The following NEBL variants were observed in gnomAD, a reference collection of about 807,000 sequenced individuals.
NEBL encodes LIM and SH3 protein 2.
In NEBL, 122 loss-of-function variants were observed where a neutral mutation model predicts 140.2. That is an observed-to-expected ratio of 0.87 (90% CI 0.75 to 1.01). The LOEUF (loss-of-function observed/expected upper bound fraction) is 1.01. Ranked by LOEUF, NEBL falls within the 50% of genes least tolerant of loss-of-function variation. The pLI is 0.00. For synonymous variants in NEBL, 436 were observed against 398.9 expected (o/e 1.09, Z -1.11); for missense variants, 1,365 against 1,231.3 (o/e 1.11, Z -1.62).
At position 20,942,037 on chromosome 10, in the gene NEBL, C is replaced by T. The variant is rs539044697; in HGVS notation, c.357+19635G>A. 3.8e-3 allele frequency among the ~76,000 whole-genome samples: 577 copies of T among 152,270 alleles called. 2 individuals carry two copies. The highest frequency in any genetic ancestry group is 6.2e-3 in the Non-Finnish European group (419 of 68,022). Reference sequence around the variant, plus strand: ...CCCAAGGTAATTTGTAGATTCAATGCCATCCCCATCAAGCTACCAATGACT... The same window carrying T: ...CCCAAGGTAATTTGTAGATTCAATGTCATCCCCATCAAGCTACCAATGACT... On this transcript the variant is annotated intron_variant, in intron 4 of 6. Coordinates refer to the NEBL transcript ENST00000417816.
chr10:20,798,074 C>G (rs1024979385), intron 26 of NEBL, among the ~76,000 whole-genome samples: 2 of 150,900 alleles, frequency 1.3e-5, no homozygotes, highest in Non-Finnish European at 2.9e-5. Context: ...TGCACTCCAG[C>G]CCCTAGATGA....
At chr10:21,122,360 CA>C (rs1435650376) in intron 2 of NEBL, among the ~76,000 whole-genome samples, 2 of 152,030 alleles carry the variant, frequency 1.3e-5, no homozygotes, top group African/African-American at 4.8e-5. Flanking sequence ...TGCCCTGAAA[CA>C]GATCTATCTC....
At chr10:20,915,248 AT>A (rs1239966746) in intron 4 of NEBL, among the ~76,000 whole-genome samples, 2 of 152,014 alleles carry the variant, frequency 1.3e-5, no homozygotes, top group South Asian at 2.1e-4. Context: ...AGGCTTTGAA[AT>A]TTTTTTTATA....
chr10:21,156,656 A>G (rs1182925609), intron 2 of NEBL, among the ~76,000 whole-genome samples: 2 of 152,040 alleles, frequency 1.3e-5, no homozygotes, highest in African/African-American at 2.4e-5. Flanking sequence ...ACAAAAGTCT[A>G]TTTCACTCAC....
intron 4 of NEBL, among the ~76,000 whole-genome samples, chr10:20,908,452 T>C (rs537426764): frequency 6.6e-6 from 1 of 152,210 alleles, no homozygotes; most frequent in Admixed American, 6.5e-5. Context: ...CAAGCCCCCA[T>C]GGGCGTTAGA....
At chr10:20,844,692 A>G (rs1312301229) in intron 12 of NEBL, among the ~76,000 whole-genome samples, 2 of 151,944 alleles carry the variant, frequency 1.3e-5, no homozygotes, top group Admixed American at 1.3e-4. Flanking sequence ...TCTATATGTT[A>G]AATATATTAT....
upstream of NEBL, chr10:20,897,651 A>C: frequency 1.6e-6 from 1 of 632,952 alleles, no homozygotes; most frequent in Non-Finnish European, 2.0e-6. Flanking sequence ...GTCTCTGTCT[A>C]AATAAAGCTT....
chr10:21,063,025 T>C (rs1261559861), intron 2 of NEBL, among the ~76,000 whole-genome samples: 1 of 151,750 alleles, frequency 6.6e-6, no homozygotes, highest in Non-Finnish European at 1.5e-5. Context: ...GATGAGGCAA[T>C]AGAAATAAAG....
chr10:21,130,939 T>A (rs1839074928), intron 2 of NEBL, among the ~76,000 whole-genome samples: 1 of 151,162 alleles, frequency 6.6e-6, no homozygotes. Flanking sequence ...CAGAAAAAAA[T>A]GTCAATGAAA....
intron 2 of NEBL, among the ~76,000 whole-genome samples, chr10:21,036,604 T>C (rs1834026020): frequency 6.6e-6 from 1 of 152,082 alleles, no homozygotes; most frequent in South Asian, 2.1e-4. Flanking sequence ...TCTGGAAATG[T>C]CACCAGGCCC....
Position 20,785,895 on chromosome 10 carries a change from C to A in NEBL, c.2897G>T (p.Ser966Ile), listed in dbSNP as rs760526573. The change falls in exon 28 of 28, where the codon AGT becomes ATT. Residue 966 changes from serine to isoleucine, a missense_variant. By Grantham distance (142) the Ser-to-Ile change is moderately radical. Transcript: ENST00000377122. ...GGAGACCTCGTCTTCATCCTGGGCACTGTAATCGTACATGGCTCGGTAGGT... is the reference window on the plus strand; with the variant it reads ...GGAGACCTCGTCTTCATCCTGGGCAATGTAATCGTACATGGCTCGGTAGGT... The part of the protein sequence containing the change: ...LRTYRAMYDY[S>I]AQDEDEVSFR... The A allele has an allele frequency of 8.7e-6, 14 of 1,613,908 alleles. No individual in the cohort carries two copies. The highest frequency in any genetic ancestry group is 1.7e-6 in the Non-Finnish European group (2 of 1,179,948).
intron 4 of NEBL, among the ~76,000 whole-genome samples, chr10:20,902,619 C>T (rs994038541): frequency 2.0e-5 from 3 of 151,990 alleles, no homozygotes; most frequent in African/African-American, 7.3e-5. Context: ...ATAGAGGGGG[C>T]AGGAAAGTAT....
intron 3 of NEBL, among the ~76,000 whole-genome samples, chr10:21,203,247 C>T (rs1440464290): frequency 6.6e-6 from 1 of 152,162 alleles, no homozygotes; most frequent in South Asian, 2.1e-4. Flanking sequence ...TCATCTCTCT[C>T]TCTCCCAAGA....
chr10:21,081,332 G>A (rs1475837504), intron 2 of NEBL, among the ~76,000 whole-genome samples: 3 of 152,180 alleles, frequency 2.0e-5, no homozygotes, highest in Admixed American at 6.5e-5. Context: ...AGGCTTTCAT[G>A]GGAAGCAGGG....
chr10:20,868,310 CTGTGTGTG>C (rs3085048), intron 7 of NEBL: 172 of 155,896 alleles, frequency 1.1e-3, no homozygotes, highest in African/African-American at 3.4e-3. Flanking sequence ...AAGTTAAAAA[CTGTGTGTG>C]TGTGTGTGTG....
intron 1 of NEBL, among the ~76,000 whole-genome samples, chr10:21,266,650 G>A (rs992652106): frequency 6.6e-6 from 1 of 152,162 alleles, no homozygotes; most frequent in African/African-American, 2.4e-5. Flanking sequence ...GTGCTCCCTG[G>A]GGGGACTCTT....
chr10:21,202,614 CA>C (rs941085373), intron 3 of NEBL, among the ~76,000 whole-genome samples: 4 of 151,946 alleles, frequency 2.6e-5, no homozygotes, highest in African/African-American at 9.7e-5. Flanking sequence ...AGGCGCCTGC[CA>C]CCATGCCCGG....
intron 1 of NEBL, among the ~76,000 whole-genome samples, chr10:21,292,130 C>T (rs889283910): frequency 6.6e-6 from 1 of 152,168 alleles, no homozygotes; most frequent in East Asian, 1.9e-4. Flanking sequence ...TGTAGCTGAA[C>T]GTGGTTTCTT....
chr10:21,140,198 T>G (rs1021230429), intron 2 of NEBL, among the ~76,000 whole-genome samples: 1 of 151,952 alleles, frequency 6.6e-6, no homozygotes, highest in Non-Finnish European at 1.5e-5. Flanking sequence ...ATAAGGTGTA[T>G]GGAATGGTTG....
Sources: allele counts gnomAD v4.1 joint callset (sites outside exome capture counted in the v4.1 genomes callset), GRCh38; gene constraint gnomAD v4.1.1; transcripts MANE v1.5; gene names NCBI Gene and HGNC (gene_info 2026-07-23, HGNC 2026-07-21).